The following NTNG1 variants were observed in gnomAD, a reference collection of about 807,000 sequenced individuals.
NTNG1 encodes netrin G1.
A neutral mutation model predicts 54.0 loss-of-function variants in NTNG1; 16 were observed. The ratio of observed to expected loss-of-function variants is 0.30; its 90% CI spans 0.20 to 0.45. NTNG1 has a LOEUF of 0.45. NTNG1 is among the 20% of genes least tolerant of loss of function. The probability of loss-of-function intolerance (pLI) is 1.00; values close to 1 mark genes in which losing one functional copy is unlikely to be tolerated. For missense variants in NTNG1, 530 were observed against 678.7 expected (o/e 0.78, Z 2.43); for synonymous variants, 255 against 263.1 (o/e 0.97, Z 0.30).
At chr1:107,244,470 C>T (rs988175809) in intron 2 of NTNG1, among the ~76,000 whole-genome samples, 1 of 152,182 alleles carries the variant, frequency 6.6e-6, no homozygotes, top group African/African-American at 2.4e-5. Context: ...ATGCTGCTGT[C>T]TTAGAAATAA....
chr1:107,398,104 T>C (rs1284980874), intron 4 of NTNG1, among the ~76,000 whole-genome samples: 1 of 152,100 alleles, frequency 6.6e-6, no homozygotes, highest in Admixed American at 6.6e-5. Context: ...CAAAATCAAC[T>C]TTTCAGGGAC....
chr1:107,313,754 T>C (rs541691243), intron 2 of NTNG1, among the ~76,000 whole-genome samples: 1 of 152,304 alleles, frequency 6.6e-6, no homozygotes, highest in South Asian at 2.1e-4. Flanking sequence ...AATTAATCCC[T>C]CCTGTTGATG....
intron 3 of NTNG1, among the ~76,000 whole-genome samples, chr1:107,391,089 G>T (rs968341458): frequency 6.6e-6 from 1 of 152,182 alleles, no homozygotes; most frequent in Non-Finnish European, 1.5e-5. Flanking sequence ...GGTAGGAATA[G>T]GAGAGTAGAA....
chr1:107,212,027 T>C (rs1045630833), intron 2 of NTNG1, among the ~76,000 whole-genome samples: 1 of 152,130 alleles, frequency 6.6e-6, no homozygotes, highest in Non-Finnish European at 1.5e-5. Context: ...TTAAATCTCT[T>C]TATAGATGTA....
intron 2 of NTNG1, among the ~76,000 whole-genome samples, chr1:107,228,326 A>G (rs1306352526): frequency 1.3e-5 from 2 of 152,206 alleles, no homozygotes; most frequent in African/African-American, 4.8e-5. Flanking sequence ...TTTTACATCC[A>G]TGAGGTCAGA....
intron 6 of NTNG1, among the ~76,000 whole-genome samples, chr1:107,432,288 CA>C (rs1402619850): frequency 1.4e-4 from 22 of 152,258 alleles, no homozygotes; most frequent in African/African-American, 4.6e-4. Context: ...TCCTCATTAA[CA>C]AAACAGTGGG....
chr1:107,427,922 A>G (rs1675005255), intron 5 of NTNG1, among the ~76,000 whole-genome samples: 1 of 152,156 alleles, frequency 6.6e-6, no homozygotes, highest in Admixed American at 6.6e-5. Flanking sequence ...AAATTCTAAT[A>G]ATAGTAGTGA....
chr1:107,243,072 C>T (rs376185817), intron 2 of NTNG1, among the ~76,000 whole-genome samples: 92 of 152,262 alleles, frequency 6.0e-4, no homozygotes, highest in African/African-American at 2.1e-3. Flanking sequence ...TGAAAATCCT[C>T]GTAACTTGTG....
At chr1:107,230,706 A>G (rs745895475) in intron 2 of NTNG1, among the ~76,000 whole-genome samples, 3 of 152,108 alleles carry the variant, frequency 2.0e-5, no homozygotes, top group Non-Finnish European at 4.4e-5. Context: ...TGCATTATTT[A>G]GGAATGTGCT....
intron 7 of NTNG1, among the ~76,000 whole-genome samples, chr1:107,459,486 T>TG (rs1402879618): frequency 6.6e-6 from 1 of 151,342 alleles, no homozygotes; most frequent in Non-Finnish European, 1.5e-5. Context: ...AAAGAGAAGA[T>TG]GGGGGAGGAA....
chr1:107,412,458 C>T (rs995863187), intron 5 of NTNG1, among the ~76,000 whole-genome samples: 3 of 152,150 alleles, frequency 2.0e-5, no homozygotes, highest in African/African-American at 7.2e-5. Flanking sequence ...CCAGGAATGC[C>T]TATCTGGCTG....
chr1:107,240,044 T>C (rs1462316920), intron 2 of NTNG1, among the ~76,000 whole-genome samples: 1 of 152,238 alleles, frequency 6.6e-6, no homozygotes, highest in Non-Finnish European at 1.5e-5. Context: ...ATAGAACATT[T>C]CTATCAATGC....
At chr1:107,470,710 A>G (rs1677926186) in intron 7 of NTNG1, among the ~76,000 whole-genome samples, 1 of 152,212 alleles carries the variant, frequency 6.6e-6, no homozygotes, top group Non-Finnish European at 1.5e-5. Flanking sequence ...AAACTAGACA[A>G]GTGCATTTTC....
intron 2 of NTNG1, among the ~76,000 whole-genome samples, chr1:107,239,834 A>G (rs947817561): frequency 5.9e-5 from 9 of 152,206 alleles, no homozygotes; most frequent in African/African-American, 1.7e-4. Context: ...TCTCAATATG[A>G]AATGAATCAT....
chr1:107,426,196 T>C (rs1674898145), intron 5 of NTNG1, among the ~76,000 whole-genome samples: 1 of 152,112 alleles, frequency 6.6e-6, no homozygotes, highest in South Asian at 2.1e-4. Flanking sequence ...TTTATTATTT[T>C]TGTTTTTGTT....
intron 3 of NTNG1, among the ~76,000 whole-genome samples, chr1:107,336,317 G>A (rs1668575595): frequency 6.6e-6 from 1 of 151,524 alleles, no homozygotes; most frequent in South Asian, 2.1e-4. Context: ...CACATGTATG[G>A]TCAAATAATT....
At chr1:107,182,224 AG>A (rs1473040477) in intron 2 of NTNG1, among the ~76,000 whole-genome samples, 1 of 152,126 alleles carries the variant, frequency 6.6e-6, no homozygotes, top group Non-Finnish European at 1.5e-5. Flanking sequence ...GGGAAGGAGG[AG>A]GAAGCAGTTA....
chr1:107,456,842 T>A (rs1395074973), intron 7 of NTNG1, among the ~76,000 whole-genome samples: 2 of 152,234 alleles, frequency 1.3e-5, no homozygotes, highest in Non-Finnish European at 2.9e-5. Flanking sequence ...TATTACCAGA[T>A]ACTCTGTCAT....
intron 2 of NTNG1, among the ~76,000 whole-genome samples, chr1:107,296,358 C>G (rs1665940178): frequency 6.6e-6 from 1 of 152,044 alleles, no homozygotes; most frequent in African/African-American, 2.4e-5. Flanking sequence ...TTAAGAATAG[C>G]TGCTTCAACA....
Sources: allele counts gnomAD v4.1 joint callset (sites outside exome capture counted in the v4.1 genomes callset), GRCh38; gene constraint gnomAD v4.1.1; transcripts MANE v1.5; gene names NCBI Gene and HGNC (gene_info 2026-07-23, HGNC 2026-07-21).